Variants in ANKFN1 observed in about 807,000 individuals in gnomAD.
ANKFN1 encodes ankyrin repeat and fibronectin type III domain containing 1, also known as ankyrin repeat and fibronectin type-III domain-containing protein 1.
ANKFN1 carries 74 observed loss-of-function variants against 108.7 expected under a neutral mutation model. The observed-to-expected ratio is 0.68, with a 90% CI of 0.56 to 0.83. The LOEUF (loss-of-function observed/expected upper bound fraction) is 0.83, where lower values mean the gene tolerates loss of function less well. ANKFN1 is among the 40% of genes least tolerant of loss of function. The pLI is 0.00. For missense variants in ANKFN1, 1,505 were observed against 1,382.3 expected (o/e 1.09, Z -1.41); for synonymous variants, 547 against 516.2 (o/e 1.06, Z -0.81).
intron 3 of ANKFN1, among the ~76,000 whole-genome samples, chr17:56,315,706 C>T (rs1277676230): frequency 6.6e-6 from 1 of 152,202 alleles, no homozygotes; most frequent in African/African-American, 2.4e-5. Flanking sequence ...AGCTCCTCTA[C>T]TCCTTAGAAA....
At chr17:56,244,294 C>G (rs1394782108) in intron 3 of ANKFN1, among the ~76,000 whole-genome samples, 1 of 151,980 alleles carries the variant, frequency 6.6e-6, no homozygotes, top group Non-Finnish European at 1.5e-5. Flanking sequence ...AGCTTATATT[C>G]CAGTGGAAAA....
chr17:56,376,030 C>A (rs1379004168), intron 8 of ANKFN1, among the ~76,000 whole-genome samples: 1 of 152,202 alleles, frequency 6.6e-6, no homozygotes, highest in African/African-American at 2.4e-5. Context: ...TATGGAATTA[C>A]ACTGAACAGC....
intron 3 of ANKFN1, among the ~76,000 whole-genome samples, chr17:56,317,871 A>G (rs1037428344): frequency 3.9e-5 from 6 of 152,200 alleles, no homozygotes; most frequent in Admixed American, 2.0e-4. Context: ...TGATATGCCT[A>G]AATGGGTTCA....
In ANKFN1 at chr17:56,466,696, A is replaced by G. The variant is rs527305008; in HGVS notation, c.1773+125A>G. The G allele has an allele frequency of 1.0e-5, 8 of 776,862 alleles. No homozygotes were observed. The Admixed American group carries it at 2.3e-4, about 23-fold the overall frequency. 48.1% of individuals were successfully genotyped at this position (776,862 alleles called of 1,614,324 possible). Reference sequence around the variant, plus strand: ...GATGGAGTGGAGAGGGTCCAGAGATATGTTGTTGCAAATGCAGAAGCTTAT... The same window carrying G: ...GATGGAGTGGAGAGGGTCCAGAGATGTGTTGTTGCAAATGCAGAAGCTTAT... On this transcript the variant is annotated intron_variant, in intron 15 of 20. Transcript: ENST00000682825.
intron 4 of ANKFN1, among the ~76,000 whole-genome samples, chr17:56,093,419 C>A (rs1905457388): frequency 6.6e-6 from 1 of 151,004 alleles, no homozygotes. Flanking sequence ...TCCAGAGACA[C>A]TGGCATATAG....
chr17:56,258,107 A>T (rs1473508319), intron 3 of ANKFN1: 1 of 152,230 alleles, frequency 6.6e-6, no homozygotes, highest in East Asian at 1.9e-4. Context: ...TTACAAATTC[A>T]GTTCCTTCTT....
At chr17:56,222,770 T>C (rs1490381055) in intron 2 of ANKFN1, among the ~76,000 whole-genome samples, 1 of 152,120 alleles carries the variant, frequency 6.6e-6, no homozygotes. Context: ...TGATAGAGGG[T>C]GAATAGTTTC....
At chr17:56,472,223 T>C (rs1333181198) in intron 15 of ANKFN1, 1 of 152,180 alleles carries the variant, frequency 6.6e-6, no homozygotes, top group Non-Finnish European at 1.5e-5. Context: ...AAAATTTTGG[T>C]AAAGTCTTTT....
At chr17:56,299,409 A>T (rs571875898) in intron 3 of ANKFN1, among the ~76,000 whole-genome samples, 1 of 152,234 alleles carries the variant, frequency 6.6e-6, no homozygotes, top group South Asian at 2.1e-4. Context: ...CATCCTTTAA[A>T]ATTCTTTGCA....
chr17:56,080,443 T>C (rs1011156064), intron 4 of ANKFN1, among the ~76,000 whole-genome samples: 2 of 152,224 alleles, frequency 1.3e-5, no homozygotes, highest in African/African-American at 4.8e-5. Flanking sequence ...TTCAGGAATA[T>C]TATTCAGCCA....
intron 4 of ANKFN1, among the ~76,000 whole-genome samples, chr17:56,125,956 A>G (rs1906901311): frequency 6.6e-6 from 1 of 152,204 alleles, no homozygotes; most frequent in Non-Finnish European, 1.5e-5. Flanking sequence ...ATGAGAATGA[A>G]GACTATGAGC....
intron 4 of ANKFN1, among the ~76,000 whole-genome samples, chr17:56,056,741 A>C (rs1598084455): frequency 6.6e-6 from 1 of 152,226 alleles, no homozygotes; most frequent in African/African-American, 2.4e-5. Flanking sequence ...ACTAGGAAAA[A>C]CTCTTCTGGA....
chr17:56,121,699 T>C (rs895311135), intron 4 of ANKFN1, among the ~76,000 whole-genome samples: 2 of 152,138 alleles, frequency 1.3e-5, no homozygotes, highest in African/African-American at 2.4e-5. Context: ...TCCGCATAGT[T>C]ATAGAAAAAT....
At chr17:56,300,817 A>T (rs2044651237) in intron 3 of ANKFN1, among the ~76,000 whole-genome samples, 1 of 152,146 alleles carries the variant, frequency 6.6e-6, no homozygotes, top group South Asian at 2.1e-4. Context: ...CACCAGCCTG[A>T]GAGTCTTTCT....
chr17:56,459,469 G>A (rs542004443), intron 14 of ANKFN1, among the ~76,000 whole-genome samples: 5 of 152,216 alleles, frequency 3.3e-5, no homozygotes, highest in East Asian at 3.9e-4. Flanking sequence ...TTCTTGGAGC[G>A]GGCCATGATG....
At chr17:56,318,588 T>C (rs1271325958) in intron 3 of ANKFN1, among the ~76,000 whole-genome samples, 4 of 152,182 alleles carry the variant, frequency 2.6e-5, no homozygotes, top group Non-Finnish European at 5.9e-5. Context: ...GAAGTTAGGC[T>C]GTGCTGAGAG....
Position 56,510,887 on chromosome 17 carries a change from T to C in ANKFN1, c.3059T>C (p.Ile1020Thr), listed in dbSNP as rs1232664895. Residue 1020 changes from isoleucine to threonine, a missense_variant, in exon 21 of 21, where the codon ATC becomes ACC. Transcript: ENST00000682825. ...GFSRHHRWLR[I>T]HSETQSLSLS... ...AGCCGCCATCATCGCTGGTTGCGCATCCACAGCGAGACCCAGTCGCTATCG... is the reference window on the plus strand; with the variant it reads ...AGCCGCCATCATCGCTGGTTGCGCACCCACAGCGAGACCCAGTCGCTATCG... 2.0e-6 allele frequency: 3 copies of C among 1,536,004 alleles called. No individual in the cohort carries two copies. The African/African-American group carries it at 4.1e-5, about 21-fold the overall frequency.
intron 4 of ANKFN1, among the ~76,000 whole-genome samples, chr17:56,335,006 T>C (rs2045766864): frequency 6.6e-6 from 1 of 152,176 alleles, no homozygotes; most frequent in African/African-American, 2.4e-5. Context: ...TGCTTGTTTT[T>C]GTCAGGTTTG....
chr17:56,090,309 C>A lies in ANKFN1; in HGVS notation c.288+43984C>A, dbSNP rs1905388907. 1.3e-5 allele frequency among the ~76,000 whole-genome samples: 2 copies of A among 151,216 alleles called. 1 individual carries two copies. The highest frequency in any genetic ancestry group is 3.0e-5 in the Non-Finnish European group (2 of 67,712). On this transcript the variant is annotated intron_variant, in intron 4 of 12. Coordinates refer to the ANKFN1 transcript ENST00000635860. ...CTGAAAATTTTGGAGGAGAAAAGCACAGGAAGAGAGCAAGCAGTATGTCAC... is the reference window on the plus strand; with the variant it reads ...CTGAAAATTTTGGAGGAGAAAAGCAAAGGAAGAGAGCAAGCAGTATGTCAC...
Sources: allele counts gnomAD v4.1 joint callset (sites outside exome capture counted in the v4.1 genomes callset), GRCh38; gene constraint gnomAD v4.1.1; transcripts MANE v1.5; gene names NCBI Gene and HGNC (gene_info 2026-07-23, HGNC 2026-07-21).